The following GBE1 variants were observed in gnomAD, a reference collection of about 807,000 sequenced individuals.
The protein encoded by GBE1 is 1,4-alpha-glucan-branching enzyme.
GBE1 carries 70 observed loss-of-function variants against 88.8 expected under a neutral mutation model. The observed-to-expected ratio is 0.79, with a 90% confidence interval of 0.65 to 0.96. The LOEUF is 0.96. GBE1 is among the 40% of genes least tolerant of loss of function. The pLI, the probability that GBE1 is intolerant of heterozygous loss-of-function variation, is 0.00. For synonymous variants in GBE1, 284 were observed against 300.1 expected, an observed-to-expected ratio of 0.95 and a Z score of 0.56; for missense variants, 872 against 871.0, an observed-to-expected ratio of 1.00 and a Z score of -0.01.
chr3:81,649,682 C>G (rs1320838879), intron 4 of GBE1, 114 bp downstream of exon 4: 1 of 762,754 alleles, frequency 1.3e-6, no homozygotes, highest in Non-Finnish European at 2.1e-6. Context: ...ATGTAAAATA[C>G]GCAACTGTCA....
chr3:81,655,342 G>A (rs551713299), intron 3 of GBE1, among the ~76,000 whole-genome samples: 13 of 151,446 alleles, frequency 8.6e-5, no homozygotes, highest in Admixed American at 3.9e-4. Flanking sequence ...CACTGCACCC[G>A]GCCTATAATT....
intron 14 of GBE1, among the ~76,000 whole-genome samples, chr3:81,520,184 T>C (rs371998425): frequency 2.2e-3 from 331 of 151,640 alleles, no homozygotes; most frequent in African/African-American, 7.7e-3. Context: ...CACTTCACTT[T>C]ATTGTGCTTT....
At chr3:81,745,050 T>C (rs1017377278) in intron 1 of GBE1, among the ~76,000 whole-genome samples, 3 of 152,176 alleles carry the variant, frequency 2.0e-5, no homozygotes, top group African/African-American at 7.2e-5. Context: ...TTTATTTGCC[T>C]AACTGAGCTC....
Position 81,535,207 on chromosome 3 carries a change from G to A in GBE1, c.1922C>T (p.Ala641Val). Residue 641 changes from alanine to valine, a missense_variant, in exon 14 of 16, where the codon GCA (alanine) becomes GTA (valine). Ala to Val is a moderately conservative substitution (Grantham distance 64, BLOSUM62 0). Transcript: ENST00000429644. ...KSYTDYRVGT[A>V]LPGKFKIVLD... is the part of the protein sequence containing the mutation. The stretch of plus-strand genomic sequence containing the variant: ...ACAAAAAGGATATTTCCCTGGCAAT[G>A]CTGTTCCAACTCGGTAGTCAGTGTA... 2 of 1,609,876 alleles carry A rather than the reference G, an allele frequency of 1.2e-6. No homozygotes were observed. Among genetic ancestry groups the A allele is most frequent in the Non-Finnish European group, 1.7e-6 (2 of 1,178,056 alleles).
intron 7 of GBE1, among the ~76,000 whole-genome samples, chr3:81,625,767 A>C (rs1704406170): frequency 6.6e-6 from 1 of 152,124 alleles, no homozygotes; most frequent in Non-Finnish European, 1.5e-5. Context: ...GTTTTTGGCT[A>C]TCTTCTTTCA....
At chr3:81,574,471 A>G (rs1466200744) in intron 12 of GBE1, among the ~76,000 whole-genome samples, 1 of 152,200 alleles carries the variant, frequency 6.6e-6, no homozygotes, top group Non-Finnish European at 1.5e-5. Context: ...TACCCAGATC[A>G]CACAGCCAAA....
chr3:81,598,475 ATAACAGG>A (rs1703988225), intron 7 of GBE1, among the ~76,000 whole-genome samples: 1 of 152,002 alleles, frequency 6.6e-6, no homozygotes, highest in African/African-American at 2.4e-5. Flanking sequence ...GTTTAATATA[ATAACAGG>A]TAACATCAAA....
intron 7 of GBE1, among the ~76,000 whole-genome samples, chr3:81,638,979 C>T (rs1239658010): frequency 6.6e-6 from 1 of 152,104 alleles, no homozygotes; most frequent in African/African-American, 2.4e-5. Context: ...AGGTCTTAAG[C>T]AAGCCATGTG....
intron 15 of GBE1, among the ~76,000 whole-genome samples, chr3:81,498,712 T>C (rs1006627468): frequency 6.6e-6 from 1 of 152,164 alleles, no homozygotes; most frequent in Non-Finnish European, 1.5e-5. Context: ...TTAAACTTCA[T>C]CTGCTAGTCA....
At chr3:81,584,846 G>T (rs371068355) in intron 10 of GBE1, among the ~76,000 whole-genome samples, 1 of 151,448 alleles carries the variant, frequency 6.6e-6, no homozygotes, top group South Asian at 2.1e-4. Context: ...CTAGGTTGAC[G>T]TACACCTTAA....
chr3:81,551,829 G>A (rs566645289), intron 12 of GBE1, among the ~76,000 whole-genome samples: 2 of 152,256 alleles, frequency 1.3e-5, no homozygotes, highest in South Asian at 4.1e-4. Flanking sequence ...AGATATTCAG[G>A]GTTCACAGTG....
At chr3:81,596,278 A>T (rs1703956138) in intron 7 of GBE1, among the ~76,000 whole-genome samples, 1 of 151,890 alleles carries the variant, frequency 6.6e-6, no homozygotes, top group Non-Finnish European at 1.5e-5. Flanking sequence ...TTCTCTGGCT[A>T]AGTCAATTTT....
At chr3:81,654,973 T>C (rs1704910579) in intron 3 of GBE1, 1 of 152,196 alleles carries the variant, frequency 6.6e-6, no homozygotes, top group Admixed American at 6.5e-5. Flanking sequence ...AATCCTTTAA[T>C]AGCTGAGTTG....
At chr3:81,628,753 A>ATATG (rs1486992597) in intron 7 of GBE1, among the ~76,000 whole-genome samples, 1 of 74,980 alleles carries the variant, frequency 1.3e-5, no homozygotes, top group Non-Finnish European at 3.3e-5. Context: ...ATATATATAT[A>ATATG]TATATATATA....
At chr3:81,562,659 T>A (rs1401023725) in intron 12 of GBE1, among the ~76,000 whole-genome samples, 1 of 152,102 alleles carries the variant, frequency 6.6e-6, no homozygotes, top group Non-Finnish European at 1.5e-5. Context: ...TAGCCATTTT[T>A]ACAGTAGTAG....
At chr3:81,556,502 GA>G (rs1188637894) in intron 12 of GBE1, among the ~76,000 whole-genome samples, 3 of 151,986 alleles carry the variant, frequency 2.0e-5, no homozygotes, top group African/African-American at 7.3e-5. Flanking sequence ...GGGGTAACGA[GA>G]AACTTTTAAT....
intron 1 of GBE1, among the ~76,000 whole-genome samples, chr3:81,719,330 C>A (rs898587176): frequency 2.0e-5 from 3 of 152,202 alleles, no homozygotes; most frequent in Non-Finnish European, 2.9e-5. Flanking sequence ...GATCCTCCCA[C>A]CTCAGCCTCC....
intron 1 of GBE1, among the ~76,000 whole-genome samples, chr3:81,726,606 G>A (rs1297469144): frequency 2.2e-5 from 3 of 138,286 alleles, no homozygotes; most frequent in African/African-American, 8.3e-5. Flanking sequence ...TTTTTGAGAT[G>A]GAGTCTCTGT....
chr3:81,629,018 GTTTTTT>G (rs34707682), intron 7 of GBE1, among the ~76,000 whole-genome samples: 15 of 98,002 alleles, frequency 1.5e-4, no homozygotes, highest in Admixed American at 2.3e-4. Context: ...TTATGTTTAA[GTTTTTT>G]TTTTTTTTTT....
Sources: allele counts gnomAD v4.1 joint callset (sites outside exome capture counted in the v4.1 genomes callset), GRCh38; gene constraint gnomAD v4.1.1; transcripts MANE v1.5; gene names NCBI Gene and HGNC (gene_info 2026-07-23, HGNC 2026-07-21).